The following KIAA1671 variants were observed in gnomAD, a reference collection of about 807,000 sequenced individuals.
KIAA1671 encodes the protein uncharacterized protein KIAA1671.
In KIAA1671, 52 loss-of-function variants were observed where a neutral mutation model predicts 131.2. That is an observed-to-expected ratio of 0.40 (90% confidence interval 0.32 to 0.50). The LOEUF (loss-of-function observed/expected upper bound fraction) is 0.50, where lower values mean the gene tolerates loss of function less well. Ranked by LOEUF, KIAA1671 falls within the 20% of genes least tolerant of loss-of-function variation. The pLI is 0.73. For missense variants in KIAA1671, 2,360 were observed against 2,364.2 expected (o/e 1.00, Z 0.04); for synonymous variants, 1,003 against 961.6 (o/e 1.04, Z -0.80).
chr22:25,159,689 G>A (rs954566274), intron 6 of KIAA1671, among the ~76,000 whole-genome samples: 1 of 152,156 alleles, frequency 6.6e-6, no homozygotes, highest in Non-Finnish European at 1.5e-5. Context: ...TTACAGATAG[G>A]GAAGTTGAGG....
rs899226476 is a variant in KIAA1671, at chr22:25,138,185, G to A, written c.4531-32635G>A. 2.6e-5 allele frequency among the ~76,000 whole-genome samples: 4 copies of A among 152,194 alleles called. No individual in the cohort carries two copies. In the East Asian group the frequency reaches 7.7e-4, roughly 29 times the overall value. ...ATGCCCGCTGTCATTGGCTGTGTCTGTGTTCCATGTCATCTTTACTCTGGT... is the reference window on the plus strand; with the variant it reads ...ATGCCCGCTGTCATTGGCTGTGTCTATGTTCCATGTCATCTTTACTCTGGT... On this transcript the variant is annotated intron_variant, in intron 6 of 12. Coordinates refer to ENST00000358431, the MANE Select transcript of KIAA1671 (RefSeq NM_001145206.2).
intron 6 of KIAA1671, among the ~76,000 whole-genome samples, chr22:25,133,089 T>C (rs1932517213): frequency 6.7e-6 from 1 of 148,654 alleles, no homozygotes; most frequent in East Asian, 2.0e-4. Context: ...CCAGAGACAA[T>C]ATATTTAAGA....
At chr22:25,116,699 G>T (rs906186134) in intron 6 of KIAA1671, among the ~76,000 whole-genome samples, 5 of 152,096 alleles carry the variant, frequency 3.3e-5, no homozygotes, top group Admixed American at 3.3e-4. Flanking sequence ...GAGATTACAG[G>T]TGTGAGCCAC....
intron 10 of KIAA1671, among the ~76,000 whole-genome samples, chr22:25,182,366 C>CCTCCCTCCCTTTCTCTT (rs2146037112): frequency 9.7e-6 from 1 of 102,698 alleles, no homozygotes; most frequent in Non-Finnish European, 2.2e-5. Flanking sequence ...TTCTTTCTTT[C>CCTCCCTCCCTTTCTCTT]CTCCCTCCCT....
At chr22:25,094,585 C>T (rs1445052236) in intron 6 of KIAA1671, among the ~76,000 whole-genome samples, 1 of 152,120 alleles carries the variant, frequency 6.6e-6, no homozygotes. Context: ...CAGCATAACC[C>T]CCGGGCCTTC....
At chr22:24,984,159 CACTT>C (rs1187525916) in intron 1 of KIAA1671, among the ~76,000 whole-genome samples, 1 of 152,132 alleles carries the variant, frequency 6.6e-6, no homozygotes, top group Non-Finnish European at 1.5e-5. Context: ...GGAAGAAAGT[CACTT>C]AATTAGGAAG....
intron 6 of KIAA1671, among the ~76,000 whole-genome samples, chr22:25,157,482 AAT>A (rs1307377460): frequency 6.6e-6 from 1 of 152,210 alleles, no homozygotes; most frequent in African/African-American, 2.4e-5. Flanking sequence ...CTAACAATTA[AAT>A]AGAGTTCTAC....
At chr22:25,027,813 G>T (rs1926032809) in intron 2 of KIAA1671, 132 bp from the exon 3 acceptor site, 1 of 495,736 alleles carries the variant, frequency 2.0e-6, no homozygotes, top group Non-Finnish European at 3.5e-6. Context: ...AGCCTGCCGG[G>T]TGAGGTCAGC....
intron 1 of KIAA1671, among the ~76,000 whole-genome samples, chr22:24,982,000 G>C (rs1350023699): frequency 6.6e-6 from 1 of 152,214 alleles, no homozygotes; most frequent in East Asian, 1.9e-4. Context: ...TACCTGAGGA[G>C]AGACATGTGT....
chr22:25,163,959 A>AT (rs1484232582), intron 6 of KIAA1671, among the ~76,000 whole-genome samples: 1 of 152,162 alleles, frequency 6.6e-6, no homozygotes, highest in African/African-American at 2.4e-5. Flanking sequence ...ATTTGGGGAC[A>AT]TATATTATGG....
intron 6 of KIAA1671, among the ~76,000 whole-genome samples, chr22:25,146,905 T>G (rs1251336297): frequency 2.6e-5 from 4 of 152,204 alleles, no homozygotes; most frequent in African/African-American, 9.6e-5. Context: ...CCTGGTCTCC[T>G]GCCCCTTTCA....
chr22:25,177,369 A>G lies in KIAA1671; in HGVS notation c.4921A>G (p.Ser1641Gly). ...FIDQTSVLDS[S>G]ALKTRVQLSK... ...AAAGCAAACCTCAGTCCTCGACTCA[A>G]GTGCCCTCAAGACCCGGGTGCAGCT... The change falls in exon 9 of 13, where the codon AGT becomes GGT. Residue 1641 changes from serine to glycine, a missense_variant. Transcript: ENST00000358431. 6.4e-7 allele frequency: 1 copy of G among 1,551,372 alleles called. No individual in the cohort carries two copies. The highest frequency in any genetic ancestry group is 8.7e-7 in the Non-Finnish European group (1 of 1,146,872).
At chr22:25,049,589 T>G in intron 6 of KIAA1671, 1 of 508,248 alleles carries the variant, frequency 2.0e-6, no homozygotes, top group Non-Finnish European at 3.5e-6. Flanking sequence ...CTCTTGAGTT[T>G]CCAGCCCAGC....
Position 25,040,452 on chromosome 22 carries a change from C to T in KIAA1671, c.3322C>T (p.Arg1108Cys), listed in dbSNP as rs927703889. Residue 1108 changes from arginine to cysteine, a missense_variant, in exon 5 of 13, where the codon CGT becomes TGT. Around this residue, in one of 3 missense-constraint regions of KIAA1671, gnomAD observed 1,161 missense variants for 1,204.7 expected, o/e 0.96. Transcript: ENST00000358431. ...TTTAAAAACTCTGAAGCCAACAGAC[C>T]GTCCATCATCTCTTGGGGCCTGGAG... ...SILKTLKPTDRPSSLGAWSLD... is the reference protein window; with the variant it reads ...SILKTLKPTDCPSSLGAWSLD... 4.1e-5 allele frequency: 64 copies of T among 1,551,900 alleles called. No homozygotes were observed. The highest frequency in any genetic ancestry group is 3.3e-4 in the Middle Eastern group (2 of 6,016).
At chr22:25,000,213 AG>A (rs1924379614) in intron 1 of KIAA1671, among the ~76,000 whole-genome samples, 5 of 6,796 alleles carry the variant, frequency 7.4e-4, no homozygotes, top group East Asian at 6.9e-3. Flanking sequence ...TTTTTTTTTG[AG>A]ACGGAGTCTC....
chr22:25,089,960 C>T (rs896048896), intron 6 of KIAA1671, among the ~76,000 whole-genome samples: 1 of 152,096 alleles, frequency 6.6e-6, no homozygotes, highest in Non-Finnish European at 1.5e-5. Context: ...GCATAAAGAA[C>T]GGCGTGTGTA....
chr22:25,117,241 A>G (rs1263972731), intron 6 of KIAA1671, among the ~76,000 whole-genome samples: 1 of 152,110 alleles, frequency 6.6e-6, no homozygotes, highest in Admixed American at 6.6e-5. Context: ...AAATATGGGG[A>G]GAAGGGCAGG....
chr22:25,166,697 T>G (rs1933655893), intron 6 of KIAA1671, among the ~76,000 whole-genome samples: 1 of 152,226 alleles, frequency 6.6e-6, no homozygotes. Flanking sequence ...TAACACTTTC[T>G]GAAGATTATC....
At chr22:25,075,345 G>T (rs1209861358) in intron 6 of KIAA1671, among the ~76,000 whole-genome samples, 1 of 152,178 alleles carries the variant, frequency 6.6e-6, no homozygotes, top group Non-Finnish European at 1.5e-5. Context: ...ACAAGGCTGA[G>T]AAACCTTGTC....
Sources: gnomAD v4.1 joint callset for allele counts (sites outside exome capture counted in the v4.1 genomes callset) on GRCh38, gnomAD v4.1.1 for gene constraint, gnomAD v4.1.1 regional missense constraint, MANE v1.5 for transcripts, NCBI Gene and HGNC (gene_info 2026-07-23, HGNC 2026-07-21) for gene names.